The following CCDC30 variants were observed in gnomAD, a reference collection of about 807,000 sequenced individuals.
The protein encoded by CCDC30 is coiled-coil domain containing 30.
CCDC30 carries 70 observed loss-of-function variants against 100.2 expected under a neutral mutation model. That is an observed-to-expected ratio of 0.70 (90% CI 0.58 to 0.85). The LOEUF (loss-of-function observed/expected upper bound fraction) is 0.85. Ranked by LOEUF, CCDC30 falls within the 40% of genes least tolerant of loss-of-function variation. The pLI is 0.00. For missense variants in CCDC30, 652 were observed against 771.2 expected (o/e 0.85, Z 1.83); for synonymous variants, 233 against 269.5 (o/e 0.86, Z 1.33).
intron 6 of CCDC30, among the ~76,000 whole-genome samples, chr1:42,531,374 T>C (rs1399757681): frequency 1.3e-5 from 2 of 152,154 alleles, no homozygotes; most frequent in Admixed American, 1.3e-4. Flanking sequence ...TTTATACTAT[T>C]ATAAATGCAA....
Position 42,539,321 on chromosome 1 carries a change from G to A in CCDC30, c.457-26975G>A, listed in dbSNP as rs1644969445. On this transcript the variant is annotated intron_variant, in intron 6 of 16. Coordinates refer to ENST00000668663, the Ensembl canonical transcript of CCDC30. ...GAATTAGAAACAAAGGTGAGACTGA[G>A]TTAGGTATTTAAATGTTCAATATTT... The A allele has an allele frequency of 1.3e-6, 2 of 1,588,538 alleles. No individual in the cohort carries two copies. Among genetic ancestry groups the A allele is most frequent in the Non-Finnish European group, 8.5e-7 (1 of 1,170,142 alleles).
chr1:42,487,833 C>T (rs1229849340), intron 3 of CCDC30, among the ~76,000 whole-genome samples: 1 of 152,096 alleles, frequency 6.6e-6, no homozygotes, highest in Non-Finnish European at 1.5e-5. Context: ...TTCTCCAGAG[C>T]CTTCAGAGAG....
intron 6 of CCDC30, among the ~76,000 whole-genome samples, chr1:42,528,505 G>C (rs112744947): frequency 0.029 from 4,373 of 152,290 alleles, 221 homozygotes; most frequent in African/African-American, 0.099. Context: ...CACAATGCAG[G>C]TCTGACATCT....
In CCDC30 at chr1:42,491,686, G is replaced by A. The variant is rs139918052; in HGVS notation, c.241+1457G>A. Reference sequence around the variant, plus strand: ...CTATTTTCCATGACATGATTATTACGCATTGCATGCCTGTATCAAAACATG... The same window carrying A: ...CTATTTTCCATGACATGATTATTACACATTGCATGCCTGTATCAAAACATG... On this transcript the variant is annotated intron_variant, in intron 4 of 16. Transcript: ENST00000668663. 928 of 180,148 alleles carry A rather than the reference G, an allele frequency of 5.2e-3. 8 individuals carry two copies. The highest frequency in any genetic ancestry group is 0.019 in the African/African-American group (785 of 42,076). The allele number at this position is 180,148 out of a possible 1,614,324, so 11.2% of individuals were successfully genotyped here.
chr1:42,502,264 G>A (rs1181993548), intron 6 of CCDC30, among the ~76,000 whole-genome samples: 1 of 152,146 alleles, frequency 6.6e-6, no homozygotes, highest in East Asian at 1.9e-4. Context: ...GCCGGGCGTG[G>A]GACCCTCCGA....
At chr1:42,456,834 TC>T in the CCDC30 span, 1 of 1,613,448 alleles carries the variant, frequency 6.2e-7, no homozygotes, top group East Asian at 2.2e-5. Context: ...CGCTCTGCCT[TC>T]CCCTATGCCC....
At chr1:42,637,199 G>A in intron 11 of CCDC30, 38 bp from the exon 16 acceptor site, 1 of 1,523,012 alleles carries the variant, frequency 6.6e-7, no homozygotes, top group Non-Finnish European at 8.8e-7. Flanking sequence ...AATTTTAACT[G>A]TGTTCAGATG....
intron 6 of CCDC30, among the ~76,000 whole-genome samples, chr1:42,522,427 T>A (rs1462006346): frequency 6.6e-6 from 1 of 152,228 alleles, no homozygotes; most frequent in Non-Finnish European, 1.5e-5. Flanking sequence ...CCCACTTATT[T>A]CCTGCATTAC....
chr1:42,534,218 A>G (rs1644855118), intron 6 of CCDC30, among the ~76,000 whole-genome samples: 1 of 149,628 alleles, frequency 6.7e-6, no homozygotes, highest in Admixed American at 6.6e-5. Context: ...GACAAAGAAA[A>G]TGAGGGGGGG....
At chr1:42,556,278 A>G in intron 6 of CCDC30, 1 of 1,614,076 alleles carries the variant, frequency 6.2e-7, no homozygotes, top group Non-Finnish European at 8.5e-7. Context: ...AAAGATGAAG[A>G]AAAAGAACAG....
intron 1 of CCDC30, among the ~76,000 whole-genome samples, chr1:42,465,373 G>GTTTT (rs113545104): frequency 0.019 from 2,946 of 152,058 alleles, 107 homozygotes; most frequent in African/African-American, 0.067. Flanking sequence ...GTTTTGTTTT[G>GTTTT]TTTTGTTTGA....
intron 6 of CCDC30, among the ~76,000 whole-genome samples, chr1:42,508,730 T>G (rs937370516): frequency 1.3e-5 from 2 of 152,060 alleles, no homozygotes; most frequent in African/African-American, 4.8e-5. Context: ...TCCCAAGAAG[T>G]CCCAGACTAC....
chr1:42,653,759 C>A (rs1648545984), intron 16 of CCDC30, 59 bp from the exon 21 acceptor site: 1 of 1,318,046 alleles, frequency 7.6e-7, no homozygotes, highest in Non-Finnish European at 1.1e-6. Context: ...TCCCTGTAAC[C>A]CCGAACTGCT....
intron 6 of CCDC30, among the ~76,000 whole-genome samples, chr1:42,527,586 CAT>C (rs1169488687): frequency 6.6e-6 from 1 of 152,162 alleles, no homozygotes; most frequent in Non-Finnish European, 1.5e-5. Flanking sequence ...AACAGGATAA[CAT>C]TTTCTTTAGA....
At chr1:42,457,301 T>A in the CCDC30 span, 4 of 1,614,104 alleles carry the variant, frequency 2.5e-6, no homozygotes. Flanking sequence ...TATGTTCCTG[T>A]CTCTGAAATG....
Position 42,550,137 on chromosome 1 carries a change from A to G in CCDC30, c.457-16159A>G, listed in dbSNP as rs1370389633. On this transcript the variant is annotated intron_variant, in intron 6 of 16. Coordinates refer to ENST00000668663, the Ensembl canonical transcript of CCDC30. ...AGCCAAAACCTAGGAGTCACCTTTG[A>G]TTCTTCCCCACATCTGTTCCACCAA... 2.0e-5 allele frequency among the ~76,000 whole-genome samples: 3 copies of G among 152,230 alleles called. No individual in the cohort carries two copies. In the East Asian group the frequency reaches 5.8e-4, roughly 29 times the overall value.
At chr1:42,633,961 G>C (rs999830322) in intron 11 of CCDC30, among the ~76,000 whole-genome samples, 1 of 152,038 alleles carries the variant, frequency 6.6e-6, no homozygotes, top group Non-Finnish European at 1.5e-5. Context: ...GAGGTGCTGA[G>C]TAAAAGGGGA....
intron 10 of CCDC30, among the ~76,000 whole-genome samples, chr1:42,600,230 A>G (rs926581121): frequency 5.9e-5 from 9 of 152,190 alleles, no homozygotes; most frequent in African/African-American, 2.2e-4. Context: ...AAAAAGGTCA[A>G]TTCTCCAAGA....
intron 6 of CCDC30, among the ~76,000 whole-genome samples, chr1:42,504,052 A>G (rs1644360628): frequency 6.6e-6 from 1 of 152,252 alleles, no homozygotes; most frequent in African/African-American, 2.4e-5. Flanking sequence ...TTCTACAGAT[A>G]TTAAATTAAC....
Sources: allele counts gnomAD v4.1 joint callset (sites outside exome capture counted in the v4.1 genomes callset), GRCh38; gene constraint gnomAD v4.1.1; transcripts MANE v1.5; gene names NCBI Gene and HGNC (gene_info 2026-07-23, HGNC 2026-07-21).